Variants in DIP2C observed in about 807,000 individuals in gnomAD.
DIP2C encodes DIP2 acetate--CoA ligase C (putative), also known as disco-interacting protein 2 homolog C.
A neutral mutation model predicts 192.4 loss-of-function variants in DIP2C; 33 were observed. The ratio of observed to expected loss-of-function variants is 0.17; its 90% CI spans 0.13 to 0.23. The LOEUF (loss-of-function observed/expected upper bound fraction) is 0.23, where lower values mean the gene tolerates loss of function less well. DIP2C is among the 10% of genes least tolerant of loss of function. DIP2C has a pLI of 1.00. For missense variants in DIP2C, 1,537 were observed against 2,110.1 expected, an observed-to-expected ratio of 0.73 and a Z score of 5.32; for synonymous variants, 979 against 864.1, an observed-to-expected ratio of 1.13 and a Z score of -2.33.
chr10:653,583 A>G (rs372077253), intron 1 of DIP2C, among the ~76,000 whole-genome samples: 310 of 152,356 alleles, frequency 2.0e-3, no homozygotes, highest in African/African-American at 5.3e-3. Flanking sequence ...GCAAGTCTCA[A>G]CCTTGATCCT....
chr10:569,812 A>G (rs778096685), intron 1 of DIP2C, among the ~76,000 whole-genome samples: 1 of 152,154 alleles, frequency 6.6e-6, no homozygotes, highest in Non-Finnish European at 1.5e-5. Context: ...AGGACATGGC[A>G]ACCATGACCT....
chr10:305,794 G>T (rs1411623331), intron 32 of DIP2C, among the ~76,000 whole-genome samples: 1 of 152,056 alleles, frequency 6.6e-6, no homozygotes, highest in East Asian at 1.9e-4. Flanking sequence ...ATAGGCACAT[G>T]CCACCACACC....
At chr10:605,797 C>T (rs1852417181) in intron 1 of DIP2C, among the ~76,000 whole-genome samples, 1 of 152,222 alleles carries the variant, frequency 6.6e-6, no homozygotes, top group Admixed American at 6.5e-5. Flanking sequence ...AACAAGGAAG[C>T]TCAGAAGGCT....
rs375382359 is a variant in DIP2C at position 277,316 on chromosome 10, G to C, written c.*9C>G. 63 of 1,613,078 alleles carry C rather than the reference G, an allele frequency of 3.9e-5. No homozygotes were observed. In the African/African-American group the frequency reaches 8.4e-4, roughly 22 times the overall value. ...CTCTAGAAAAGTCCATGGAAGCCAAGAGACGAGACTACATGTTGTAGGCCA... is the reference window on the plus strand; with the variant it reads ...CTCTAGAAAAGTCCATGGAAGCCAACAGACGAGACTACATGTTGTAGGCCA... On this transcript the variant is annotated 3_prime_UTR_variant, in exon 37 of 37. Coordinates refer to ENST00000280886, the MANE Select transcript of DIP2C (RefSeq NM_014974.3).
At chr10:387,857 A>C (rs1963108257) in intron 13 of DIP2C, 48 bp from the exon 14 acceptor site, 1 of 1,585,218 alleles carries the variant, frequency 6.3e-7, no homozygotes, top group Admixed American at 1.7e-5. Flanking sequence ...ACAGGGCGGC[A>C]ACAGATCAAA....
chr10:457,189 G>A (rs1969372468), intron 3 of DIP2C, among the ~76,000 whole-genome samples: 1 of 152,038 alleles, frequency 6.6e-6, no homozygotes, highest in Non-Finnish European at 1.5e-5. Context: ...CTTAGGTGCT[G>A]GACTGGAAGC....
intron 1 of DIP2C, among the ~76,000 whole-genome samples, chr10:615,753 GCTT>G (rs1265023326): frequency 1.3e-5 from 2 of 152,144 alleles, no homozygotes; most frequent in Non-Finnish European, 2.9e-5. Flanking sequence ...CTCCCACCAA[GCTT>G]CTTGACTTTA....
intron 3 of DIP2C, among the ~76,000 whole-genome samples, chr10:454,807 C>T (rs1969153289): frequency 2.0e-5 from 3 of 152,062 alleles, no homozygotes; most frequent in Admixed American, 6.5e-5. Context: ...AACATGAGCA[C>T]CCCTGGAACC....
chr10:577,012 C>G (rs1025371397), intron 1 of DIP2C, among the ~76,000 whole-genome samples: 2 of 152,178 alleles, frequency 1.3e-5, no homozygotes, highest in Admixed American at 1.3e-4. Flanking sequence ...GGTAGTTGAT[C>G]CAGTTTTTTC....
chr10:631,065 C>T (rs1479699593), intron 1 of DIP2C: 2 of 152,244 alleles, frequency 1.3e-5, no homozygotes, highest in Non-Finnish European at 2.9e-5. Flanking sequence ...ATCTCCTCTG[C>T]CCCAACCCTG....
intron 1 of DIP2C, among the ~76,000 whole-genome samples, chr10:575,141 G>A (rs1367597837): frequency 2.0e-5 from 3 of 152,082 alleles, no homozygotes; most frequent in Non-Finnish European, 2.9e-5. Flanking sequence ...CTTTACCTTC[G>A]CCAAAAACAG....
At chr10:365,676 T>G (rs183485189) in intron 19 of DIP2C, among the ~76,000 whole-genome samples, 1 of 152,386 alleles carries the variant, frequency 6.6e-6, no homozygotes, top group Admixed American at 6.5e-5. Flanking sequence ...GTTGCAGCAC[T>G]GAACGTGTGT....
intron 23 of DIP2C, among the ~76,000 whole-genome samples, chr10:357,411 A>T (rs1255366356): frequency 2.0e-5 from 3 of 152,158 alleles, no homozygotes; most frequent in African/African-American, 7.2e-5. Context: ...CTGGTGGGGA[A>T]ACTAGAAAGG....
intron 1 of DIP2C, among the ~76,000 whole-genome samples, chr10:515,197 C>T (rs1315609541): frequency 1.3e-5 from 2 of 152,148 alleles, no homozygotes; most frequent in African/African-American, 2.4e-5. Flanking sequence ...TTAATAGTAA[C>T]TTGTCCATAA....
chr10:581,315 G>T (rs1315060028), intron 1 of DIP2C, among the ~76,000 whole-genome samples: 1 of 152,166 alleles, frequency 6.6e-6, no homozygotes. Context: ...AATGAGAGAT[G>T]GCAAGTATGA....
At chr10:406,850 G>A (rs1033336895) in intron 9 of DIP2C, among the ~76,000 whole-genome samples, 4 of 152,010 alleles carry the variant, frequency 2.6e-5, no homozygotes. Flanking sequence ...GAGGTATTCT[G>A]CAGACCCTGC....
At chr10:344,784 C>A (rs1313566086) in intron 28 of DIP2C, 25 bp downstream of exon 28, 2 of 1,558,848 alleles carry the variant, frequency 1.3e-6, no homozygotes, top group East Asian at 4.7e-5. Flanking sequence ...CCTCCATGGC[C>A]ACCGCCCGCA....
At chr10:353,518 T>C (rs1393371107) in intron 24 of DIP2C, among the ~76,000 whole-genome samples, 1 of 152,208 alleles carries the variant, frequency 6.6e-6, no homozygotes, top group African/African-American at 2.4e-5. Context: ...GCCTCCCAAG[T>C]AGCTGGGATT....
chr10:607,356 T>C (rs533748836), intron 1 of DIP2C, among the ~76,000 whole-genome samples: 1 of 152,322 alleles, frequency 6.6e-6, no homozygotes, highest in African/African-American at 2.4e-5. Flanking sequence ...GACTTCATTA[T>C]CCAGAAGCCA....
Sources: allele counts gnomAD v4.1 joint callset (sites outside exome capture counted in the v4.1 genomes callset), GRCh38; gene constraint gnomAD v4.1.1; transcripts MANE v1.5; gene names NCBI Gene and HGNC (gene_info 2026-07-23, HGNC 2026-07-21).